Variants in NEBL observed in about 807,000 individuals in gnomAD.
NEBL encodes LIM and SH3 protein 2.
Under a neutral mutation model 140.2 loss-of-function variants are expected in NEBL, and 122 were observed. That is an observed-to-expected ratio of 0.87 (90% CI 0.75 to 1.01). NEBL has a LOEUF of 1.01. Among genes scored for constraint, NEBL ranks in the 50% least tolerant of loss-of-function variants. The pLI, the probability that NEBL is intolerant of heterozygous loss-of-function variation, is 0.00. For missense variants in NEBL, 1,365 were observed against 1,231.3 expected (o/e 1.11, Z -1.62); for synonymous variants, 436 against 398.9 (o/e 1.09, Z -1.11).
intron 3 of NEBL, among the ~76,000 whole-genome samples, chr10:20,971,946 C>T (rs954887149): frequency 6.6e-6 from 1 of 152,072 alleles, no homozygotes; most frequent in African/African-American, 2.4e-5. Flanking sequence ...TACTTTGAAC[C>T]AGAAGGTACC....
At chr10:21,290,879 G>C (rs563110646) in intron 1 of NEBL, among the ~76,000 whole-genome samples, 2 of 152,144 alleles carry the variant, frequency 1.3e-5, no homozygotes, top group Non-Finnish European at 2.9e-5. Flanking sequence ...TCATAGTTTT[G>C]CACGGCTCCC....
intron 18 of NEBL, among the ~76,000 whole-genome samples, chr10:20,825,997 G>A (rs1038256317): frequency 2.6e-5 from 4 of 152,136 alleles, no homozygotes; most frequent in South Asian, 4.1e-4. Flanking sequence ...GACTGACATC[G>A]GTTAAAAATG....
intron 2 of NEBL, among the ~76,000 whole-genome samples, chr10:21,022,557 C>A (rs948808550): frequency 3.3e-5 from 5 of 152,208 alleles, no homozygotes; most frequent in African/African-American, 1.2e-4. Flanking sequence ...TTGGAGTTAA[C>A]CCCATAACTG....
chr10:21,094,278 G>A (rs1416450901), intron 2 of NEBL, among the ~76,000 whole-genome samples: 2 of 151,940 alleles, frequency 1.3e-5, no homozygotes, highest in African/African-American at 2.4e-5. Flanking sequence ...CGAGGTGGGC[G>A]GATCACGAGG....
intron 2 of NEBL, among the ~76,000 whole-genome samples, chr10:21,135,760 G>A (rs759146267): frequency 2.0e-5 from 3 of 152,124 alleles, no homozygotes; most frequent in Non-Finnish European, 4.4e-5. Context: ...ATCCCAGTGG[G>A]TCTGGGACTG....
At chr10:21,247,093 G>A (rs1458746818) in intron 3 of NEBL, among the ~76,000 whole-genome samples, 1 of 152,084 alleles carries the variant, frequency 6.6e-6, no homozygotes, top group Non-Finnish European at 1.5e-5. Flanking sequence ...AGATGTGCCT[G>A]CTTCCCCTTT....
chr10:21,219,262 A>AT (rs1842036309), intron 3 of NEBL, among the ~76,000 whole-genome samples: 1 of 152,226 alleles, frequency 6.6e-6, no homozygotes, highest in African/African-American at 2.4e-5. Flanking sequence ...TTAAAAATGT[A>AT]TTTTTTATAA....
intron 4 of NEBL, among the ~76,000 whole-genome samples, chr10:20,957,213 A>T (rs1370645514): frequency 6.6e-6 from 1 of 150,690 alleles, no homozygotes; most frequent in Non-Finnish European, 1.5e-5. Flanking sequence ...AAGCTAACTC[A>T]CAAAATCTCA....
chr10:20,861,471 G>A (rs542423521), intron 7 of NEBL, among the ~76,000 whole-genome samples: 127 of 152,214 alleles, frequency 8.3e-4, no homozygotes, highest in Non-Finnish European at 1.4e-3. Flanking sequence ...GAGCCACCGC[G>A]CCCAGCCACA....
At chr10:21,284,210 C>CAAAAAA (rs35693200) in intron 1 of NEBL, among the ~76,000 whole-genome samples, 5 of 37,174 alleles carry the variant, frequency 1.3e-4, no homozygotes, top group Non-Finnish European at 2.2e-4. Context: ...ACTCCGTCTC[C>CAAAAAA]AAAAAAAAAA....
chr10:20,897,450 G>T (rs565347627), upstream of NEBL: 100 of 1,210,206 alleles, frequency 8.3e-5, 1 homozygote, highest in African/African-American at 1.4e-3. Context: ...AGCAAAATTT[G>T]ATTTTATGAA....
At position 20,813,430 on chromosome 10, in the gene NEBL, A is replaced by T. The variant is rs548853385; in HGVS notation, c.2347-490T>A. On this transcript the variant is annotated intron_variant, in intron 23 of 27. Transcript: ENST00000377122. Reference sequence around the variant, plus strand: ...ATTACAAAAACTTATACTTCAAAATATACTTTTTTTATGTCCTGAAATTAG... The same window carrying T: ...ATTACAAAAACTTATACTTCAAAATTTACTTTTTTTATGTCCTGAAATTAG... Among the ~76,000 whole-genome samples, 13 of 152,206 alleles carry T rather than the reference A, an allele frequency of 8.5e-5. No individual in the cohort carries two copies. The South Asian group carries it at 2.7e-3, about 32-fold the overall frequency.
rs796874213 is a variant in NEBL at position 20,813,083 on chromosome 10, AAGTCTGGAACTTC to A, written c.2347-156_2347-144del. The A allele has an allele frequency of 5.0e-5, 37 of 736,128 alleles. No homozygotes were observed. The African/African-American group carries it at 5.8e-4, about 12-fold the overall frequency. 45.6% of individuals were successfully genotyped at this position (736,128 alleles called of 1,614,324 possible). On this transcript the variant is annotated intron_variant, in intron 23 of 27. Coordinates refer to ENST00000377122, the MANE Select transcript of NEBL (RefSeq NM_006393.3). Reference sequence around the variant, plus strand: ...ATCTTTTCCAAATACTCCAAAACTAAAGTCTGGAACTTCAGTTTCTTAGCATCAGAAATCAAGT... The same window carrying A: ...ATCTTTTCCAAATACTCCAAAACTAAAGTTTCTTAGCATCAGAAATCAAGT...
intron 2 of NEBL, among the ~76,000 whole-genome samples, chr10:21,097,930 C>A (rs1837272612): frequency 6.6e-6 from 1 of 152,144 alleles, no homozygotes; most frequent in African/African-American, 2.4e-5. Flanking sequence ...GTTTAATGGT[C>A]TAGACAAGTG....
chr10:21,153,322 T>C (rs1056508980), intron 2 of NEBL, among the ~76,000 whole-genome samples: 1 of 149,276 alleles, frequency 6.7e-6, no homozygotes, highest in African/African-American at 2.6e-5. Flanking sequence ...CCTTGTATTA[T>C]AAATTAATTT....
chr10:20,812,983 A>T, intron 23 of NEBL, 43 bp from the exon 24 acceptor site: 1 of 1,512,310 alleles, frequency 6.6e-7, no homozygotes. Context: ...GCGGATAGTT[A>T]CCTCTTTCAC....
intron 2 of NEBL, among the ~76,000 whole-genome samples, chr10:21,031,897 TTCTG>T (rs1199648903): frequency 4.6e-5 from 7 of 152,218 alleles, no homozygotes; most frequent in African/African-American, 1.4e-4. Flanking sequence ...ACATAAAAGA[TTCTG>T]TCTGTTAGTT....
intron 26 of NEBL, among the ~76,000 whole-genome samples, chr10:20,793,683 A>C (rs1220850221): frequency 2.6e-5 from 4 of 151,646 alleles, no homozygotes; most frequent in Non-Finnish European, 5.9e-5. Context: ...CCTCCCAAGT[A>C]GCTGGGACTA....
chr10:20,822,765 G>A (rs1839465187), intron 19 of NEBL, among the ~76,000 whole-genome samples: 1 of 151,978 alleles, frequency 6.6e-6, no homozygotes, highest in Non-Finnish European at 1.5e-5. Context: ...ATCAATATAT[G>A]TTTCTGAAAA....
Sources: allele counts gnomAD v4.1 joint callset (sites outside exome capture counted in the v4.1 genomes callset), GRCh38; gene constraint gnomAD v4.1.1; transcripts MANE v1.5; gene names NCBI Gene and HGNC (gene_info 2026-07-23, HGNC 2026-07-21).